FRMD4B: variants seen among roughly 807,000 people sequenced by gnomAD.
The protein encoded by FRMD4B is FERM domain-containing protein 4B.
Under a neutral mutation model 141.5 loss-of-function variants are expected in FRMD4B, and 74 were observed. The observed-to-expected ratio is 0.52, with a 90% CI of 0.43 to 0.63. The LOEUF is 0.63. Among genes scored for constraint, FRMD4B ranks in the 30% least tolerant of loss-of-function variants. The pLI is 0.00. For missense variants in FRMD4B, 1,366 were observed against 1,253.4 expected (o/e 1.09, Z -1.36); for synonymous variants, 506 against 467.9 (o/e 1.08, Z -1.05).
chr3:69,519,861 TC>T (rs1700823365), intron 1 of FRMD4B, among the ~76,000 whole-genome samples: 1 of 151,816 alleles, frequency 6.6e-6, no homozygotes, highest in East Asian at 1.9e-4. Context: ...ATAGCTTAGC[TC>T]CCATTTATGA....
intron 1 of FRMD4B, among the ~76,000 whole-genome samples, chr3:69,325,126 A>G (rs1200877883): frequency 6.7e-6 from 1 of 150,266 alleles, no homozygotes; most frequent in Non-Finnish European, 1.5e-5. Flanking sequence ...AGAAAGAAAG[A>G]AAAGAAATTA....
At chr3:69,198,881 T>TA (rs1434633214) in intron 11 of FRMD4B, 107 bp from the exon 12 acceptor site, 1 of 662,974 alleles carries the variant, frequency 1.5e-6, no homozygotes, top group Non-Finnish European at 2.7e-6. Flanking sequence ...GGTACACTGA[T>TA]ACGATGAAAC....
intron 1 of FRMD4B, among the ~76,000 whole-genome samples, chr3:69,445,619 A>G (rs1243900112): frequency 6.6e-6 from 1 of 152,112 alleles, no homozygotes; most frequent in Non-Finnish European, 1.5e-5. Context: ...CTTCACTCTC[A>G]ATACACCCCA....
chr3:69,441,288 C>A lies in FRMD4B; in HGVS notation c.-128-8527G>T, dbSNP rs144643330. Among the ~76,000 whole-genome samples, 520 of 152,258 alleles carry A rather than the reference C, an allele frequency of 3.4e-3. 4 individuals carry two copies. Among genetic ancestry groups the A allele is most frequent in the African/African-American group, 0.012 (505 of 41,540 alleles). The stretch of plus-strand genomic sequence containing the variant: ...TTTTTCTAAGGTTAGTCAAGTGAGG[C>A]AGTGAGAGTGGAGTGGTTTTCTTTA... On this transcript the variant is annotated intron_variant, in intron 1 of 5. Coordinates refer to the FRMD4B transcript ENST00000459638.
chr3:69,386,901 T>G (rs1704268334), upstream of FRMD4B, among the ~76,000 whole-genome samples: 1 of 152,126 alleles, frequency 6.6e-6, no homozygotes, highest in African/African-American at 2.4e-5. Flanking sequence ...AATCGGTGGT[T>G]TAGTTCTGGA....
chr3:69,228,256 C>T (rs1433384800), intron 7 of FRMD4B: 4 of 450,374 alleles, frequency 8.9e-6, no homozygotes, highest in Admixed American at 4.8e-5. Flanking sequence ...GAAAATTCTA[C>T]ACTAATACTC....
rs1211501325 is a variant in FRMD4B at position 69,341,037 on chromosome 3, A to G, written c.163-27520T>C. Among the ~76,000 whole-genome samples the G allele has an allele frequency of 3.9e-5, 6 of 152,378 alleles. No individual in the cohort carries two copies. The South Asian group carries it at 1.2e-3, about 32-fold the overall frequency. On this transcript the variant is annotated intron_variant, in intron 1 of 22. Transcript: ENST00000398540. The stretch of plus-strand genomic sequence containing the variant: ...AGGAGTTGCATATTCATTTTATAAA[A>G]ATTGGGAAGACACCATAGCACTCTT...
rs1233985522 is a variant in FRMD4B, at chr3:69,264,422, T to C, written c.502-14323A>G. Among the ~76,000 whole-genome samples, 4 of 145,384 alleles carry C rather than the reference T, an allele frequency of 2.8e-5. No individual in the cohort carries two copies. The East Asian group carries it at 6.9e-4, about 25-fold the overall frequency. ...AGTAAAAAGTTGGTGGGGGTATTTA[T>C]ATCTTTCTTTTTAAAAAGGGAATGC... is the stretch of plus-strand genomic sequence containing the variant. On this transcript the variant is annotated intron_variant, in intron 5 of 22. Coordinates refer to ENST00000398540, the MANE Select transcript of FRMD4B (RefSeq NM_015123.3).
chr3:69,201,860 T>A (rs978052618), intron 11 of FRMD4B, among the ~76,000 whole-genome samples: 2 of 152,096 alleles, frequency 1.3e-5, no homozygotes, highest in African/African-American at 2.4e-5. Context: ...GTGTTTATCT[T>A]AGAAGATAAA....
At chr3:69,343,577 G>GTTTTT (rs66705405) in intron 1 of FRMD4B, among the ~76,000 whole-genome samples, 115 of 126,498 alleles carry the variant, frequency 9.1e-4, no homozygotes, top group Non-Finnish European at 1.1e-3. Flanking sequence ...ACAGTTTTTT[G>GTTTTT]TTTTTTTTTT....
chr3:69,169,891 G>A lies in FRMD4B; in HGVS notation c.*1970C>T, dbSNP rs1023964829. ...TTAGAAGACCTGTTTGCCAGTCTGT[G>A]AAATTAGTATAAATTACTTGCTACA... On this transcript the variant is annotated 3_prime_UTR_variant, in exon 23 of 23. Transcript: ENST00000398540. The A allele has an allele frequency of 4.6e-5, 7 of 152,136 alleles. No homozygotes were observed. Among genetic ancestry groups the A allele is most frequent in the Non-Finnish European group, 1.0e-4 (7 of 68,034 alleles). 9.4% of individuals were successfully genotyped at this position (152,136 alleles called of 1,614,324 possible). A position where few individuals can be genotyped will look rare whatever the true frequency, so the allele number is the denominator to read the frequency against.
chr3:69,363,557 T>G (rs1053490201), intron 1 of FRMD4B, among the ~76,000 whole-genome samples: 1 of 151,928 alleles, frequency 6.6e-6, no homozygotes, highest in Admixed American at 6.6e-5. Flanking sequence ...GCCTGGCTAA[T>G]TTTTTGTATT....
chr3:69,312,471 G>T (rs549384384), intron 2 of FRMD4B, among the ~76,000 whole-genome samples: 40 of 152,352 alleles, frequency 2.6e-4, no homozygotes, highest in African/African-American at 9.6e-4. Flanking sequence ...GAAGAGAAAA[G>T]AATTTAGGTT....
At chr3:69,425,951 C>G (rs762595010) in intron 2 of FRMD4B, among the ~76,000 whole-genome samples, 1 of 152,094 alleles carries the variant, frequency 6.6e-6, no homozygotes, top group Non-Finnish European at 1.5e-5. Context: ...AGAAATGAAC[C>G]GTCAGGTGAT....
At chr3:69,187,348 C>G (rs1380852067) in intron 19 of FRMD4B, among the ~76,000 whole-genome samples, 3 of 151,572 alleles carry the variant, frequency 2.0e-5, no homozygotes, top group African/African-American at 7.3e-5. Flanking sequence ...GAGTTCGAGA[C>G]CACCCGGACC....
intron 1 of FRMD4B, among the ~76,000 whole-genome samples, chr3:69,540,379 C>G (rs1017765904): frequency 2.5e-4 from 38 of 151,540 alleles, no homozygotes; most frequent in African/African-American, 9.2e-4. Context: ...CTTTGGGAGG[C>G]CGAGGCGGGC....
chr3:69,435,096 C>A (rs1575801695), intron 1 of FRMD4B, among the ~76,000 whole-genome samples: 1 of 152,118 alleles, frequency 6.6e-6, no homozygotes, highest in Non-Finnish European at 1.5e-5. Flanking sequence ...AACTTAATCA[C>A]CTCTTTAGAG....
intron 5 of FRMD4B, among the ~76,000 whole-genome samples, chr3:69,263,817 C>CTTTTTTTTT (rs3032130): frequency 1.2e-4 from 8 of 68,520 alleles, no homozygotes; most frequent in Non-Finnish European, 1.8e-4. Flanking sequence ...AACCCCATTC[C>CTTTTTTTTT]TTTTTTTTTT....
chr3:69,191,380 A>G (rs951937294), intron 17 of FRMD4B, among the ~76,000 whole-genome samples: 1 of 152,186 alleles, frequency 6.6e-6, no homozygotes, highest in African/African-American at 2.4e-5. Flanking sequence ...AGATCATGCC[A>G]CTGCACTCCA....
Sources: gnomAD v4.1 joint callset for allele counts (sites outside exome capture counted in the v4.1 genomes callset) on GRCh38, gnomAD v4.1.1 for gene constraint, MANE v1.5 for transcripts, NCBI Gene and HGNC (gene_info 2026-07-23, HGNC 2026-07-21) for gene names.